Variants in ADPRHL1 observed in about 807,000 individuals in gnomAD.
ADPRHL1 encodes inactive ADP-ribosyltransferase ARH2.
Under a neutral mutation model 44.1 loss-of-function variants are expected in ADPRHL1, and 43 were observed. That is an observed-to-expected ratio of 0.98 (90% CI 0.76 to 1.26). ADPRHL1 has a LOEUF of 1.26. ADPRHL1 is among the 50% of genes most tolerant of loss of function. The probability of loss-of-function intolerance (pLI) is 0.00; values close to 1 mark genes in which losing one functional copy is unlikely to be tolerated. For synonymous variants in ADPRHL1, 878 were observed against 1,017.4 expected (o/e 0.86, Z 2.61); for missense variants, 2,022 against 2,496.9 (o/e 0.81, Z 4.05).
chr13:113,409,359 TAGTC>T lies in ADPRHL1; in HGVS notation c.1062-1143_1062-1140del, dbSNP rs1369224776. On this transcript the variant is annotated intron_variant, in intron 7 of 7. Coordinates refer to ENST00000612156, the MANE Select transcript of ADPRHL1 (RefSeq NM_001394807.1). The surrounding 1 kb of genome is among the most constrained non-coding windows in gnomAD (Gnocchi z 4.2). ...CCAGAATCTTAGCTGTCACACCTGT[TAGTC>T]ATTCATTCTAAGGAGATCATCAGGG... 1.4e-5 allele frequency: 14 copies of T among 985,266 alleles called. No individual in the cohort carries two copies. Among genetic ancestry groups the T allele is most frequent in the Non-Finnish European group, 1.4e-5 (12 of 829,940 alleles). The allele number at this position is 985,266 out of a possible 1,614,324, so 61.0% of individuals were successfully genotyped here. A position where few individuals can be genotyped will look rare whatever the true frequency, so the allele number is the denominator to read the frequency against.
chr13:113,420,506 T>C (rs1193787129), intron 7 of ADPRHL1, among the ~76,000 whole-genome samples: 1 of 152,116 alleles, frequency 6.6e-6, no homozygotes, highest in African/African-American at 2.4e-5. Flanking sequence ...ACCGTGTTAC[T>C]TATGCTAGCA....
intron 4 of ADPRHL1, among the ~76,000 whole-genome samples, chr13:113,428,014 C>T (rs184276639): frequency 1.6e-4 from 25 of 152,316 alleles, no homozygotes; most frequent in Admixed American, 1.6e-3. Context: ...GCCTGTAATC[C>T]CAGCACTTGG....
In ADPRHL1 at chr13:113,409,303, C is replaced by T. The variant is rs1272218584; in HGVS notation, c.1062-1083G>A. ...GGCAGGGGGTGGAGCCGTCTCTGAC[C>T]TCCCCAGATGATAATTTTGGGTAGA... is the stretch of plus-strand genomic sequence containing the variant. On this transcript the variant is annotated intron_variant, in intron 7 of 7. Transcript: ENST00000612156. The surrounding 1 kb of genome is among the most constrained non-coding windows in gnomAD (Gnocchi z 4.2). The T allele has an allele frequency of 1.0e-6, 1 of 985,292 alleles. No homozygotes were observed. Among genetic ancestry groups the T allele is most frequent in the Non-Finnish European group, 1.2e-6 (1 of 829,934 alleles). 61.0% of individuals were successfully genotyped at this position (985,292 alleles called of 1,614,324 possible). A position where few individuals can be genotyped will look rare whatever the true frequency, so the allele number is the denominator to read the frequency against.
intron 2 of ADPRHL1, among the ~76,000 whole-genome samples, chr13:113,436,873 T>C (rs554595150): frequency 2.0e-3 from 136 of 69,060 alleles, no homozygotes; most frequent in African/African-American, 3.0e-3. Context: ...GGCACCCAGG[T>C]GTAGAGTGAA....
Position 113,453,407 on chromosome 13 carries a change from C to G in ADPRHL1, c.31G>C (p.Gly11Arg). Residue 11 changes from glycine to arginine, a missense_variant, in exon 1 of 8, where the codon GGG (glycine) becomes CGG (arginine). This residue lies in a region of ADPRHL1 where 437 missense variants were observed against 430.7 expected (regional missense o/e 1.01). Transcript: ENST00000612156. This position sits in a 1 kb window ranked among gnomAD's most constrained non-coding sequence, Gnocchi z 5.4. MEKFKAAMLL[G>R]SVGDALGYRN... ...TAGCCAAGAGCATCGCCGACGCTCC[C>G]CAGCAACATCGCAGCCTTAAATTTC... 6.2e-7 allele frequency: 1 copy of G among 1,614,146 alleles called. No individual in the cohort carries two copies.
intron 3 of ADPRHL1, 89 bp downstream of exon 3, chr13:113,433,653 C>T (rs2044023159): frequency 1.4e-6 from 2 of 1,451,628 alleles, no homozygotes; most frequent in Non-Finnish European, 9.1e-7. Flanking sequence ...GGCCCCCGCC[C>T]CCCACCCCAC....
intron 3 of ADPRHL1, among the ~76,000 whole-genome samples, chr13:113,432,334 C>T (rs925245302): frequency 1.3e-5 from 2 of 152,084 alleles, no homozygotes; most frequent in African/African-American, 2.4e-5. Flanking sequence ...AGGCTGGTCT[C>T]GTACTCCTGG....
chr13:113,431,959 C>CTAAT (rs2044010389), intron 3 of ADPRHL1, among the ~76,000 whole-genome samples: 1 of 152,194 alleles, frequency 6.6e-6, no homozygotes, highest in Non-Finnish European at 1.5e-5. Context: ...TCAGGTGATC[C>CTAAT]GCCTGCCTTG....
intron 2 of ADPRHL1, among the ~76,000 whole-genome samples, chr13:113,436,949 C>T (rs1343153086): frequency 3.4e-5 from 5 of 148,298 alleles, no homozygotes; most frequent in Non-Finnish European, 3.0e-5. Context: ...CGGGACCCAG[C>T]ACCCAGGTGT....
At chr13:113,442,416 G>C (rs2044105572) in intron 2 of ADPRHL1, among the ~76,000 whole-genome samples, 1 of 152,254 alleles carries the variant, frequency 6.6e-6, no homozygotes, top group Admixed American at 6.5e-5. Flanking sequence ...ACCCGTATCT[G>C]TGCCACTGTG....
Position 113,403,325 on chromosome 13 carries a change from C to T in ADPRHL1, c.*53G>A. On this transcript the variant is annotated 3_prime_UTR_variant, in exon 8 of 8. Transcript: ENST00000612156. ...GGAGGCAGGAAAATGCCTGAAGTCC[C>T]TCAATGGGCGGATGTCACAGTGCTG... The T allele has an allele frequency of 8.1e-7, 1 of 1,228,610 alleles. No homozygotes were observed. The highest frequency in any genetic ancestry group is 1.0e-6 in the Non-Finnish European group (1 of 985,140). 76.1% of individuals were successfully genotyped at this position (1,228,610 alleles called of 1,614,324 possible).
intron 7 of ADPRHL1, among the ~76,000 whole-genome samples, chr13:113,412,380 A>T (rs9324240): frequency 3.3e-5 from 5 of 151,868 alleles, no homozygotes; most frequent in Non-Finnish European, 5.9e-5. Flanking sequence ...GGGTTTCACC[A>T]TGTTAGCCAG....
At chr13:113,449,343 G>T in intron 1 of ADPRHL1, 1 of 465,286 alleles carries the variant, frequency 2.1e-6, no homozygotes, top group Non-Finnish European at 2.8e-6. Flanking sequence ...GAAGGAGGGA[G>T]CCCTGTTCAG....
chr13:113,444,254 C>T lies in ADPRHL1; in HGVS notation c.379+171G>A, dbSNP rs970509860. Reference sequence around the variant, plus strand: ...TGCCCATATTCCTTAAACAGACGCCCGCACTGGCCGGGCTGACCAGGAGGG... The same window carrying T: ...TGCCCATATTCCTTAAACAGACGCCTGCACTGGCCGGGCTGACCAGGAGGG... On this transcript the variant is annotated intron_variant, in intron 2 of 7. Coordinates refer to ENST00000612156, the MANE Select transcript of ADPRHL1 (RefSeq NM_001394807.1). 7.2e-5 allele frequency among the ~76,000 whole-genome samples: 11 copies of T among 152,198 alleles called. 1 individual carries two copies. The highest frequency in any genetic ancestry group is 3.4e-3 in the Middle Eastern group (1 of 294).
At chr13:113,424,910 A>C (rs2043956942) in intron 5 of ADPRHL1, 142 bp downstream of exon 5, 2 of 951,298 alleles carry the variant, frequency 2.1e-6, no homozygotes, top group African/African-American at 3.8e-5. Context: ...CCTTCCACCC[A>C]CCCATCATCC....
chr13:113,412,746 G>A lies in ADPRHL1; in HGVS notation c.1062-4526C>T, dbSNP rs111234277. On this transcript the variant is annotated intron_variant, in intron 7 of 7. Coordinates refer to ENST00000612156, the MANE Select transcript of ADPRHL1 (RefSeq NM_001394807.1). ...TCACCCACCGCCAACAGTGCCCCGCGGAGCTCGGTTCACCCACCGCCAACA... is the reference window on the plus strand; with the variant it reads ...TCACCCACCGCCAACAGTGCCCCGCAGAGCTCGGTTCACCCACCGCCAACA... 1.7e-3 allele frequency among the ~76,000 whole-genome samples: 172 copies of A among 101,394 alleles called. 1 individual carries two copies. The highest frequency in any genetic ancestry group is 4.6e-3 in the African/African-American group (121 of 26,074). 66.5% of individuals were successfully genotyped at this position (101,394 alleles called of 152,430 possible).
At chr13:113,420,883 C>T (rs148507267) in intron 7 of ADPRHL1, among the ~76,000 whole-genome samples, 2,638 of 149,362 alleles carry the variant, frequency 0.018, 80 homozygotes, top group African/African-American at 0.062. Context: ...CCCGCCCACC[C>T]CCGGGACCCG....
chr13:113,409,768 A>G lies in ADPRHL1; in HGVS notation c.1062-1548T>C. On this transcript the variant is annotated intron_variant, in intron 7 of 7. Transcript: ENST00000612156. The surrounding 1 kb of genome is among the most constrained non-coding windows in gnomAD (Gnocchi z 4.2). ...GCCGGGCGTGGTGGCGGGCGCCTGT[A>G]GTCCCAGCTACTTGGGAGGCTGAGG... The G allele has an allele frequency of 1.6e-6, 1 of 620,322 alleles. No individual in the cohort carries two copies. The highest frequency in any genetic ancestry group is 2.0e-6 in the Non-Finnish European group (1 of 496,746). The allele number at this position is 620,322 out of a possible 1,614,324, so 38.4% of individuals were successfully genotyped here.
At chr13:113,438,692 T>A (rs968171605) in intron 2 of ADPRHL1, among the ~76,000 whole-genome samples, 1 of 151,898 alleles carries the variant, frequency 6.6e-6, no homozygotes, top group Non-Finnish European at 1.5e-5. Flanking sequence ...AAAAAAAAAA[T>A]TTCTTTTTTA....
Sources: gnomAD v4.1 joint callset for allele counts (sites outside exome capture counted in the v4.1 genomes callset) on GRCh38, gnomAD v4.1.1 for gene constraint, gnomAD v4.1.1 regional missense constraint, Gnocchi (gnomAD v3.1) non-coding constraint, MANE v1.5 for transcripts, NCBI Gene and HGNC (gene_info 2026-07-23, HGNC 2026-07-21) for gene names.